Variants in UBXN4 observed in about 807,000 individuals in gnomAD.
UBXN4 encodes the protein UBX domain-containing protein 4.
UBXN4 carries 35 observed loss-of-function variants against 66.2 expected under a neutral mutation model. That is an observed-to-expected ratio of 0.53 (90% CI 0.40 to 0.70). The LOEUF is 0.70. Ranked by LOEUF, UBXN4 falls within the 30% of genes least tolerant of loss-of-function variation. The pLI, the probability that UBXN4 is intolerant of heterozygous loss-of-function variation, is 0.00. For missense variants in UBXN4, 533 were observed against 599.8 expected (o/e 0.89, Z 1.16); for synonymous variants, 203 against 204.5 (o/e 0.99, Z 0.06).
intron 9 of UBXN4, among the ~76,000 whole-genome samples, chr2:135,774,547 C>T (rs546048189): frequency 6.6e-6 from 1 of 151,970 alleles, no homozygotes. Flanking sequence ...AGGATATCAT[C>T]AAGAAAGTGC....
chr2:135,745,854 G>A (rs1403143825), intron 1 of UBXN4, among the ~76,000 whole-genome samples: 1 of 136,430 alleles, frequency 7.3e-6, no homozygotes, highest in Non-Finnish European at 1.6e-5. Context: ...TTGGTCTGTG[G>A]ATGCATTCTA....
At chr2:135,757,428 T>A (rs1229194405) in intron 5 of UBXN4, among the ~76,000 whole-genome samples, 2 of 152,248 alleles carry the variant, frequency 1.3e-5, no homozygotes, top group Non-Finnish European at 2.9e-5. Flanking sequence ...ACTCTTCATC[T>A]ACGTTTTATT....
chr2:135,781,393 A>G (rs2077448223), intron 12 of UBXN4, among the ~76,000 whole-genome samples: 1 of 152,266 alleles, frequency 6.6e-6, no homozygotes, highest in Admixed American at 6.5e-5. Flanking sequence ...TAATAATTAC[A>G]TAATAATGTA....
intron 8 of UBXN4, among the ~76,000 whole-genome samples, chr2:135,772,145 C>T (rs1442961041): frequency 6.6e-6 from 1 of 151,818 alleles, no homozygotes; most frequent in East Asian, 1.9e-4. Context: ...CAAAGTGAGA[C>T]CCCACCTCTA....
At chr2:135,767,360 C>T (rs981625039) in intron 6 of UBXN4, among the ~76,000 whole-genome samples, 1 of 150,878 alleles carries the variant, frequency 6.6e-6, no homozygotes, top group Middle Eastern at 3.4e-3. Flanking sequence ...GACCTTGTCT[C>T]GGAAAAAAAA....
chr2:135,782,838 G>A lies in UBXN4; in HGVS notation c.1478G>A (p.Gly493Asp), dbSNP rs2077458291. The change falls in exon 13 of 13, where the codon GGT becomes GAT. Residue 493 changes from glycine (G) to aspartate (D), a missense_variant. This residue lies in a region of UBXN4 where 4 missense variants were observed against 19.7 expected (regional missense o/e 0.20). Transcript: ENST00000272638. The part of the protein sequence containing the change: ...KIYRLRTQDD[G>D]EDENNTWNGN... ...TATAGATTAAGGACTCAAGATGATGGTGAAGATGAAAACAACACTTGGAAT... is the reference window on the plus strand; with the variant it reads ...TATAGATTAAGGACTCAAGATGATGATGAAGATGAAAACAACACTTGGAAT... The A allele has an allele frequency of 1.2e-6, 2 of 1,613,776 alleles. No individual in the cohort carries two copies. The highest frequency in any genetic ancestry group is 1.1e-5 in the South Asian group (1 of 91,056).
intron 9 of UBXN4, among the ~76,000 whole-genome samples, chr2:135,773,181 G>A (rs2077394239): frequency 6.6e-6 from 1 of 152,096 alleles, no homozygotes; most frequent in African/African-American, 2.4e-5. Flanking sequence ...ATAGGATTAA[G>A]CAAAAGAGGA....
intron 12 of UBXN4, among the ~76,000 whole-genome samples, chr2:135,782,421 G>A (rs115574417): frequency 1.1e-4 from 16 of 152,238 alleles, no homozygotes; most frequent in East Asian, 3.9e-4. Flanking sequence ...AGATAATGTC[G>A]GCTTGCATAA....
chr2:135,742,384 C>A (rs1026264063), intron 1 of UBXN4: 1 of 186,718 alleles, frequency 5.4e-6, no homozygotes, highest in Non-Finnish European at 1.1e-5. Context: ...TGGCCCTGGT[C>A]TCCAAAGCGC....
intron 5 of UBXN4, among the ~76,000 whole-genome samples, chr2:135,758,263 G>A (rs911421793): frequency 2.6e-5 from 4 of 151,790 alleles, no homozygotes; most frequent in Non-Finnish European, 5.9e-5. Context: ...TAGTAGGGAC[G>A]GGGTTTCTCC....
At chr2:135,751,413 C>A (rs1241472165) in intron 2 of UBXN4, among the ~76,000 whole-genome samples, 2 of 151,480 alleles carry the variant, frequency 1.3e-5, no homozygotes, top group African/African-American at 4.9e-5. Context: ...TGGTCTCGAT[C>A]TCCTGACCTC....
At chr2:135,772,267 G>T (rs905376152) in intron 8 of UBXN4, among the ~76,000 whole-genome samples, 153 bp from the exon 9 acceptor site, 2 of 152,004 alleles carry the variant, frequency 1.3e-5, no homozygotes, top group African/African-American at 2.4e-5. Flanking sequence ...AGGCTGCAGT[G>T]AGCTATGATT....
intron 2 of UBXN4, among the ~76,000 whole-genome samples, chr2:135,753,134 C>G (rs2077256131): frequency 2.0e-5 from 3 of 150,158 alleles, no homozygotes; most frequent in African/African-American, 7.4e-5. Flanking sequence ...AGCGATTCTC[C>G]TGCCTCAGCC....
At chr2:135,743,302 G>T (rs1459450426) in intron 1 of UBXN4, among the ~76,000 whole-genome samples, 4 of 152,088 alleles carry the variant, frequency 2.6e-5, no homozygotes, top group African/African-American at 9.7e-5. Flanking sequence ...CTGTCTGGGG[G>T]TTATATTATA....
intron 4 of UBXN4, among the ~76,000 whole-genome samples, chr2:135,754,919 G>A (rs550467897): frequency 6.6e-6 from 1 of 152,250 alleles, no homozygotes; most frequent in Non-Finnish European, 1.5e-5. Context: ...CCAGTGGTGG[G>A]ATTACAGGCG....
intron 4 of UBXN4, among the ~76,000 whole-genome samples, chr2:135,754,877 C>T (rs560773067): frequency 5.6e-4 from 85 of 152,258 alleles, no homozygotes; most frequent in Non-Finnish European, 1.0e-3. Flanking sequence ...CTCTACCTCC[C>T]GGGTTCGAGC....
At chr2:135,771,365 A>G (rs1233685024) in intron 8 of UBXN4, among the ~76,000 whole-genome samples, 1 of 151,960 alleles carries the variant, frequency 6.6e-6, no homozygotes, top group Non-Finnish European at 1.5e-5. Context: ...TAATCCTGCT[A>G]CTTGGGAGGC....
chr2:135,767,885 T>C (rs1354666269), intron 6 of UBXN4, among the ~76,000 whole-genome samples: 24 of 152,184 alleles, frequency 1.6e-4, no homozygotes, highest in Admixed American at 1.6e-3. Flanking sequence ...GATGCTTTTT[T>C]TTCTCTCATG....
At chr2:135,781,351 A>G (rs1368052480) in intron 12 of UBXN4, among the ~76,000 whole-genome samples, 1 of 152,240 alleles carries the variant, frequency 6.6e-6, no homozygotes, top group Admixed American at 6.5e-5. Context: ...AATGGGAAGT[A>G]TTTTCCTAGA....
Sources: gnomAD v4.1 joint callset for allele counts (sites outside exome capture counted in the v4.1 genomes callset) on GRCh38, gnomAD v4.1.1 for gene constraint, gnomAD v4.1.1 regional missense constraint, MANE v1.5 for transcripts, NCBI Gene and HGNC (gene_info 2026-07-23, HGNC 2026-07-21) for gene names.